Variants in DLGAP2 observed in about 807,000 individuals in gnomAD.
The protein encoded by DLGAP2 is DLG associated protein 2.
In DLGAP2, 26 loss-of-function variants were observed where a neutral mutation model predicts 100.3. The ratio of observed to expected loss-of-function variants is 0.26; its 90% confidence interval spans 0.19 to 0.36. The LOEUF (loss-of-function observed/expected upper bound fraction) is 0.36, where lower values mean the gene tolerates loss of function less well. DLGAP2 is among the 10% of genes least tolerant of loss of function. DLGAP2 has a pLI of 1.00. For synonymous variants in DLGAP2, 886 were observed against 630.1 expected, an observed-to-expected ratio of 1.41 and a Z score of -6.08; for missense variants, 1,858 against 1,453.2, an observed-to-expected ratio of 1.28 and a Z score of -4.53.
At chr8:1,103,218 C>A (rs903667421) in intron 2 of DLGAP2, among the ~76,000 whole-genome samples, 3 of 152,288 alleles carry the variant, frequency 2.0e-5, no homozygotes, top group Non-Finnish European at 4.4e-5. Context: ...TGCTGGCTGC[C>A]CTGGGCGTCG....
intron 2 of DLGAP2, among the ~76,000 whole-genome samples, chr8:931,501 A>G (rs1798955903): frequency 6.6e-6 from 1 of 152,142 alleles, no homozygotes; most frequent in Non-Finnish European, 1.5e-5. Flanking sequence ...TCTGTTAAGA[A>G]TCCCAGGTAT....
intron 3 of DLGAP2, among the ~76,000 whole-genome samples, chr8:1,338,378 A>C (rs946610373): frequency 6.6e-6 from 1 of 152,352 alleles, no homozygotes; most frequent in Middle Eastern, 3.4e-3. Flanking sequence ...GTGAAATGAG[A>C]GAAGCCAGAC....
chr8:1,538,610 C>T (rs537090438), intron 4 of DLGAP2, among the ~76,000 whole-genome samples: 21 of 152,168 alleles, frequency 1.4e-4, no homozygotes, highest in Non-Finnish European at 2.9e-4. Flanking sequence ...CTCCGTCCCT[C>T]CTCCCCCGCT....
intron 2 of DLGAP2, among the ~76,000 whole-genome samples, chr8:1,129,072 C>T (rs147237104): frequency 1.2e-3 from 190 of 152,240 alleles, no homozygotes; most frequent in African/African-American, 4.0e-3. Context: ...GGTCCTCTGT[C>T]GCTTTTGTGT....
intron 1 of DLGAP2, among the ~76,000 whole-genome samples, chr8:743,665 G>A (rs1820542532): frequency 6.6e-6 from 1 of 152,166 alleles, no homozygotes; most frequent in Non-Finnish European, 1.5e-5. Flanking sequence ...CTGGGCTCAA[G>A]CGATCTTCCC....
At chr8:1,573,950 G>A (rs1220410748) in intron 6 of DLGAP2, among the ~76,000 whole-genome samples, 1 of 152,174 alleles carries the variant, frequency 6.6e-6, no homozygotes, top group African/African-American at 2.4e-5. Flanking sequence ...ACTTACAAGT[G>A]TAAAGTGAGG....
chr8:1,494,170 T>G (rs1296192255), intron 3 of DLGAP2, among the ~76,000 whole-genome samples: 1 of 152,242 alleles, frequency 6.6e-6, no homozygotes. Context: ...GAGGTGATAA[T>G]ACTATTGTTT....
At chr8:807,196 G>C (rs570210993) in intron 1 of DLGAP2, among the ~76,000 whole-genome samples, 2 of 152,174 alleles carry the variant, frequency 1.3e-5, no homozygotes, top group Non-Finnish European at 2.9e-5. Flanking sequence ...TTCTTCTCTG[G>C]TGTGATGCAA....
intron 3 of DLGAP2, among the ~76,000 whole-genome samples, chr8:1,437,315 A>G (rs1373800049): frequency 6.6e-6 from 1 of 152,220 alleles, no homozygotes; most frequent in Non-Finnish European, 1.5e-5. Context: ...GCGGGTTTGT[A>G]TCAGTGCGCT....
At chr8:1,110,304 CAT>C (rs1312038666) in intron 2 of DLGAP2, among the ~76,000 whole-genome samples, 16 of 118,038 alleles carry the variant, frequency 1.4e-4, no homozygotes, top group African/African-American at 3.0e-4. Context: ...GGGTCTGTGA[CAT>C]GTGCTGGGTC....
chr8:1,210,573 G>C (rs888901205), intron 2 of DLGAP2, among the ~76,000 whole-genome samples: 2 of 152,222 alleles, frequency 1.3e-5, no homozygotes, highest in African/African-American at 4.8e-5. Context: ...GGAGTGTACA[G>C]AGAAGTTTCT....
intron 8 of DLGAP2, among the ~76,000 whole-genome samples, chr8:1,649,145 C>CTAAA (rs1293152496): frequency 6.6e-6 from 1 of 152,278 alleles, no homozygotes; most frequent in South Asian, 2.1e-4. Flanking sequence ...CTGCCTTTAC[C>CTAAA]TAAAGCTTAA....
At chr8:839,129 G>C (rs555203502) in intron 1 of DLGAP2, among the ~76,000 whole-genome samples, 1 of 152,274 alleles carries the variant, frequency 6.6e-6, no homozygotes, top group South Asian at 2.1e-4. Context: ...CTAGTGCTCT[G>C]TTGGTGGGAA....
chr8:801,540 G>T (rs371290827), intron 1 of DLGAP2, among the ~76,000 whole-genome samples: 1 of 152,232 alleles, frequency 6.6e-6, no homozygotes, highest in East Asian at 1.9e-4. Context: ...CTGAAAGGCT[G>T]TGCTGCCTGG....
intron 4 of DLGAP2, among the ~76,000 whole-genome samples, chr8:1,523,678 C>A (rs1330797951): frequency 6.6e-6 from 1 of 152,186 alleles, no homozygotes; most frequent in Non-Finnish European, 1.5e-5. Flanking sequence ...GTGGAGCCGT[C>A]TGCATTTTAT....
chr8:802,468 G>A (rs1363472086), intron 1 of DLGAP2, among the ~76,000 whole-genome samples: 3 of 152,288 alleles, frequency 2.0e-5, no homozygotes, highest in East Asian at 3.9e-4. Context: ...CATTGGGGTC[G>A]TGTTGTCCTT....
intron 1 of DLGAP2, among the ~76,000 whole-genome samples, chr8:828,320 GC>G (rs1422341438): frequency 6.6e-6 from 1 of 152,116 alleles, no homozygotes; most frequent in Non-Finnish European, 1.5e-5. Context: ...AGACAGGTAC[GC>G]CCCGGGGGGG....
chr8:1,341,449 C>G (rs1488491524), intron 3 of DLGAP2, among the ~76,000 whole-genome samples: 3 of 152,148 alleles, frequency 2.0e-5, no homozygotes, highest in African/African-American at 4.8e-5. Flanking sequence ...TAAATCACTC[C>G]TCTCTGAAAC....
intron 2 of DLGAP2, among the ~76,000 whole-genome samples, chr8:966,160 G>A (rs1209993688): frequency 6.6e-6 from 1 of 152,218 alleles, no homozygotes; most frequent in Non-Finnish European, 1.5e-5. Flanking sequence ...AAACGCAGCT[G>A]TAACATCTGG....
Sources: gnomAD v4.1 joint callset for allele counts (sites outside exome capture counted in the v4.1 genomes callset) on GRCh38, gnomAD v4.1.1 for gene constraint, MANE v1.5 for transcripts, NCBI Gene and HGNC (gene_info 2026-07-23, HGNC 2026-07-21) for gene names.